Variants in CARNS1 observed in about 807,000 individuals in gnomAD.
CARNS1 encodes carnosine synthase 1, also known as ATP-grasp domain containing 1.
CARNS1 carries 61 observed loss-of-function variants against 74.0 expected under a neutral mutation model. That is an observed-to-expected ratio of 0.82 (90% CI 0.67 to 1.02). The LOEUF (loss-of-function observed/expected upper bound fraction) is 1.02. CARNS1 is among the 50% of genes least tolerant of loss of function. The pLI is 0.00. For missense variants in CARNS1, 1,278 were observed against 1,308.4 expected (o/e 0.98, Z 0.36); for synonymous variants, 568 against 605.5 (o/e 0.94, Z 0.91).
Position 67,418,890 on chromosome 11 carries a change from GT to G in CARNS1, c.500del (p.Val167AlafsTer30), listed in dbSNP as rs765850009. ...PGGLTFLDDFVPPRRATYFLA... is the reference protein window; with the variant it reads ...PGGLTFLDDFXPPRRATYFLA... Reference sequence around the variant, plus strand: ...GGGCCTGACATTCCTGGATGACTTTGTCCCCCCGCGCCGTGCCACCTACTTT... The same window carrying G: ...GGGCCTGACATTCCTGGATGACTTTGCCCCCCGCGCCGTGCCACCTACTTT... On this transcript the variant is annotated frameshift_variant, in exon 5 of 10. Coordinates refer to ENST00000687366, the MANE Select transcript of CARNS1 (RefSeq NM_001166222.2). LOFTEE classifies it high-confidence loss of function. The G allele has an allele frequency of 7.5e-6, 12 of 1,597,802 alleles. No individual in the cohort carries two copies. The highest frequency in any genetic ancestry group is 1.0e-5 in the Non-Finnish European group (12 of 1,172,298).
rs761803535 is a variant in CARNS1, at chr11:67,423,411, T to C, written c.1663T>C (p.Ser555Pro). The part of the protein sequence containing the change: ...LVESDPNHFA[S>P]QLVQTFIHFD... ...GGAGTCAGACCCCAACCACTTTGCATCCCAGTTGGTACAGACCTTCATCCA... is the reference window on the plus strand; with the variant it reads ...GGAGTCAGACCCCAACCACTTTGCACCCCAGTTGGTACAGACCTTCATCCA... Residue 555 changes from serine (S) to proline (P), a missense_variant, in exon 10 of 10, where the codon TCC becomes CCC. Ser to Pro is a moderately conservative substitution (Grantham distance 74, BLOSUM62 -1). Transcript: ENST00000687366. The surrounding 1 kb of genome is among the most constrained non-coding windows in gnomAD (Gnocchi z 5.1). 1 of 1,610,190 alleles carries C rather than the reference T, an allele frequency of 6.2e-7. No individual in the cohort carries two copies.
chr11:67,419,759 CT>C lies in CARNS1; in HGVS notation c.1036del (p.Ser346HisfsTer24). 1 of 1,603,572 alleles carries C rather than the reference CT, an allele frequency of 6.2e-7. No homozygotes were observed. The highest frequency in any genetic ancestry group is 1.1e-5 in the South Asian group (1 of 89,076). On this transcript the variant is annotated frameshift_variant, in exon 7 of 10. Coordinates refer to ENST00000687366, the MANE Select transcript of CARNS1 (RefSeq NM_001166222.2). LOFTEE classifies it high-confidence loss of function. ...PPAQLPCSDG[P>X]SPGPGLAVRI... ...CCTCCCCGTCTTCCCCCAGATGGTC[CT>C]TCACCCGGCCCCGGCCTGGCCGTGC...
rs1268024882 is a variant in CARNS1 at position 67,421,221 on chromosome 11, T to TGGGCGGGGCGCG, written c.1626+12_1626+23dup. On this transcript the variant is annotated splice_region_variant and intron_variant, in intron 9 of 9. Transcript: ENST00000687366. ...GCGGCGCGCGACTACGGGCTCCAGGTGGGCGGGGCGCGGGGCGGGGCTGGG... is the reference window on the plus strand; with the variant it reads ...GCGGCGCGCGACTACGGGCTCCAGGTGGGCGGGGCGCGGGGCGGGGCGCGGGGCGGGGCTGGG... 2 of 1,415,404 alleles carry TGGGCGGGGCGCG rather than the reference T, an allele frequency of 1.4e-6. No homozygotes were observed. The highest frequency in any genetic ancestry group is 1.5e-5 in the African/African-American group (1 of 65,486). The allele number at this position is 1,415,404 out of a possible 1,614,324, so 87.7% of individuals were successfully genotyped here.
intron 1 of CARNS1, 185 bp from the exon 2 acceptor site, chr11:67,415,991 C>T: frequency 1.7e-6 from 1 of 604,528 alleles, no homozygotes; most frequent in South Asian, 1.8e-5. Context: ...GGGCAGGAGC[C>T]ACTCGGTCTG....
At position 67,424,683 on chromosome 11, in the gene CARNS1, C is replaced by T. The variant is rs897493461; in HGVS notation, c.*82C>T. 4 of 1,401,352 alleles carry T rather than the reference C, an allele frequency of 2.9e-6. No individual in the cohort carries two copies. The highest frequency in any genetic ancestry group is 3.8e-6 in the Non-Finnish European group (4 of 1,051,410). 86.8% of individuals were successfully genotyped at this position (1,401,352 alleles called of 1,614,324 possible). A position where few individuals can be genotyped will look rare whatever the true frequency, so the allele number is the denominator to read the frequency against. ...GCTCCCTGGAGCTCTTCCTGCTTCTCTCCCCATCACCATGCCCCAGCCCCA... is the reference window on the plus strand; with the variant it reads ...GCTCCCTGGAGCTCTTCCTGCTTCTTTCCCCATCACCATGCCCCAGCCCCA... On this transcript the variant is annotated 3_prime_UTR_variant, in exon 10 of 10. Coordinates refer to ENST00000687366, the MANE Select transcript of CARNS1 (RefSeq NM_001166222.2).
rs1036436388 is a variant in CARNS1 at position 67,425,195 on chromosome 11, C to T, written c.*594C>T. 27 of 401,910 alleles carry T rather than the reference C, an allele frequency of 6.7e-5. No homozygotes were observed. The highest frequency in any genetic ancestry group is 4.8e-4 in the South Asian group (27 of 56,340). 24.9% of individuals were successfully genotyped at this position (401,910 alleles called of 1,614,324 possible). On this transcript the variant is annotated 3_prime_UTR_variant, in exon 10 of 10. Transcript: ENST00000687366. ...TCTTTCTGCTCACCCCAGGCAGACA[C>T]AACTGCCTATGTTCCCCCGATGAGA...
chr11:67,419,934 C>T (rs2135088298), intron 7 of CARNS1, 96 bp downstream of exon 7: 12 of 1,269,556 alleles, frequency 9.5e-6, no homozygotes, highest in Non-Finnish European at 1.3e-5. Context: ...CGTCTCTGGG[C>T]AGAGAGGACA....
intron 9 of CARNS1, among the ~76,000 whole-genome samples, chr11:67,422,218 CTG>C (rs1169984975): frequency 8.6e-6 from 1 of 115,752 alleles, no homozygotes; most frequent in African/African-American, 3.4e-5. Context: ...GAGTCTCTCT[CTG>C]TCTCCCAGGC....
chr11:67,419,983 A>G lies in CARNS1; in HGVS notation c.1113+145A>G, dbSNP rs1863654491. ...GGTCGTAGTTGCCTCTGGGGAAACT[A>G]CTGGGTCTGACCGTCTTCCCTCTCC... On this transcript the variant is annotated intron_variant, in intron 7 of 9. Transcript: ENST00000687366. 4 of 766,404 alleles carry G rather than the reference A, an allele frequency of 5.2e-6. No homozygotes were observed. In the East Asian group the frequency reaches 1.1e-4, roughly 21 times the overall value. 47.5% of individuals were successfully genotyped at this position (766,404 alleles called of 1,614,324 possible).
chr11:67,420,550 G>C, intron 7 of CARNS1, 59 bp from the exon 8 acceptor site: 1 of 1,092,874 alleles, frequency 9.2e-7, no homozygotes, highest in Middle Eastern at 3.4e-4. Context: ...CAAGGCGGTG[G>C]GGGTGTGCGT....
At chr11:67,419,330 G>T in intron 5 of CARNS1, 87 bp downstream of exon 5, 1 of 1,469,036 alleles carries the variant, frequency 6.8e-7, no homozygotes, top group African/African-American at 1.4e-5. Context: ...CTGGAAAGGT[G>T]TCCCTACCTC....
At position 67,417,480 on chromosome 11, in the gene CARNS1, G is replaced by A; in HGVS notation, c.77G>A (p.Trp26Ter). Residue 26 changes from tryptophan (W) to a stop codon, truncating the protein, a stop_gained, in exon 3 of 10, where the codon TGG becomes TAG. Transcript: ENST00000687366. LOFTEE classifies it high-confidence loss of function. ...AAGGACCTGGAGGAAGAGGGCCCCT[G>A]GGGAGGGGGCTCTGGCCTGCCGCCC... is the stretch of plus-strand genomic sequence containing the variant. ...GSKDLEEEGPWGGGSGLPPTG... is the reference protein window; with the variant it reads ...GSKDLEEEGP 6.9e-7 allele frequency: 1 copy of A among 1,452,284 alleles called. No individual in the cohort carries two copies. Among genetic ancestry groups the A allele is most frequent in the African/African-American group, 1.4e-5 (1 of 69,014 alleles). 90.0% of individuals were successfully genotyped at this position (1,452,284 alleles called of 1,614,324 possible). A position where few individuals can be genotyped will look rare whatever the true frequency, so the allele number is the denominator to read the frequency against.
At chr11:67,416,390 T>C in intron 2 of CARNS1, 188 bp downstream of exon 2, 1 of 1,424,926 alleles carries the variant, frequency 7.0e-7, no homozygotes, top group South Asian at 1.5e-5. Flanking sequence ...CTTAGTGCCC[T>C]GTGACATTCA....
In CARNS1 at chr11:67,417,656, C is replaced by G; in HGVS notation, c.253C>G (p.Arg85Gly). 1 of 1,266,156 alleles carries G rather than the reference C, an allele frequency of 7.9e-7. No individual in the cohort carries two copies. Among genetic ancestry groups the G allele is most frequent in the Non-Finnish European group, 1.0e-6 (1 of 1,004,066 alleles). The allele number at this position is 1,266,156 out of a possible 1,614,324, so 78.4% of individuals were successfully genotyped here. A position where few individuals can be genotyped will look rare whatever the true frequency, so the allele number is the denominator to read the frequency against. ...AGCTGGCCTTCCGGAGACTCAGGAC[C>G]GCGGCCAGGTGCCCCGCACAGGTGC... ...QQAGLPETQD[R>G]GQVPRTGCPG... Residue 85 changes from arginine to glycine, a missense_variant, in exon 3 of 10, where the codon CGC becomes GGC. This residue lies in a region of CARNS1 where 104 missense variants were observed against 127.3 expected (regional missense o/e 0.82). Transcript: ENST00000687366.
intron 3 of CARNS1, 135 bp downstream of exon 3, chr11:67,417,812 G>A: frequency 1.7e-6 from 1 of 595,124 alleles, no homozygotes; most frequent in East Asian, 3.5e-5. Context: ...GGAAGGCACA[G>A]CCAGTTGGCC....
In CARNS1 at chr11:67,421,205, G is replaced by A. The variant is rs916708092; in HGVS notation, c.1612G>A (p.Asp538Asn). The change falls in exon 9 of 10, where the codon GAC (aspartate) becomes AAC (asparagine). Residue 538 changes from aspartate (D) to asparagine (N), a missense_variant. Coordinates refer to ENST00000687366, the MANE Select transcript of CARNS1 (RefSeq NM_001166222.2). ...GAAGTTCGTGTGGGAGGCGGCGCGCGACTACGGGCTCCAGGTGGGCGGGGC... is the reference window on the plus strand; with the variant it reads ...GAAGTTCGTGTGGGAGGCGGCGCGCAACTACGGGCTCCAGGTGGGCGGGGC... ...SKKFVWEAAR[D>N]YGLQLHLVES... 2.3e-5 allele frequency: 35 copies of A among 1,491,462 alleles called. 2 individuals are homozygous for A. The Admixed American group carries it at 2.7e-4, about 11-fold the overall frequency. The allele number at this position is 1,491,462 out of a possible 1,614,324, so 92.4% of individuals were successfully genotyped here. A position where few individuals can be genotyped will look rare whatever the true frequency, so the allele number is the denominator to read the frequency against.
In CARNS1 at chr11:67,424,421, A is replaced by G. The variant is rs1489795289; in HGVS notation, c.2673A>G (p.Leu891=). 7 of 1,588,912 alleles carry G rather than the reference A, an allele frequency of 4.4e-6. No individual in the cohort carries two copies. The highest frequency in any genetic ancestry group is 2.0e-4 in the Middle Eastern group (1 of 4,952). ...AGGCCCTGCACGACCGTGGACTGCT[A>G]CGCCTCAATCTGCTGGAGGAGGCCC... ...TLQALHDRGL[L]RLNLLEEALV... The change falls in exon 10 of 10, where the codon CTA becomes CTG. Residue 891 remains leucine, a synonymous_variant. Coordinates refer to ENST00000687366, the MANE Select transcript of CARNS1 (RefSeq NM_001166222.2).
chr11:67,424,463 T>G lies in CARNS1; in HGVS notation c.2715T>G (p.Tyr905Ter). Residue 905 changes from tyrosine (Y) to a stop codon, truncating the protein, a stop_gained, in exon 10 of 10, where the codon TAT (tyrosine) becomes TAG (stop). Transcript: ENST00000687366. LOFTEE classifies it high-confidence loss of function. Reference protein sequence around the residue: ...LLEEALVPGEYEEPYCSVACA... With the variant: ...LLEEALVPGE The stretch of plus-strand genomic sequence containing the variant: ...AGGAGGCCCTGGTGCCTGGCGAGTA[T>G]GAGGAGCCCTACTGCAGTGTGGCCT... The G allele has an allele frequency of 6.3e-7, 1 of 1,589,030 alleles. No individual in the cohort carries two copies. The highest frequency in any genetic ancestry group is 8.6e-7 in the Non-Finnish European group (1 of 1,169,068).
rs1481536710 is a variant in CARNS1 at position 67,420,664 on chromosome 11, C to G, written c.1169C>G (p.Pro390Arg). The part of the protein sequence containing the change: ...DRPLRHHNSL[P>R]RTLEVALAQC... ...CCTCTACGGCACCACAACTCCCTGC[C>G]GAGGACGCTGGAGGTGGCGCTGGCC... Residue 390 changes from proline to arginine, a missense_variant, in exon 8 of 10, where the codon CCG becomes CGG. Physicochemically the swap from Pro to Arg is moderately radical, Grantham distance 103. Transcript: ENST00000687366. The G allele has an allele frequency of 1.4e-5, 17 of 1,259,046 alleles. No homozygotes were observed. The highest frequency in any genetic ancestry group is 1.7e-5 in the Non-Finnish European group (17 of 1,004,052). 78.0% of individuals were successfully genotyped at this position (1,259,046 alleles called of 1,614,324 possible).
Sources: gnomAD v4.1 joint callset for allele counts (sites outside exome capture counted in the v4.1 genomes callset) on GRCh38, gnomAD v4.1.1 for gene constraint, gnomAD v4.1.1 regional missense constraint, Gnocchi (gnomAD v3.1) non-coding constraint, MANE v1.5 for transcripts, NCBI Gene and HGNC (gene_info 2026-07-23, HGNC 2026-07-21) for gene names.